GTF2IRD1: variants seen among roughly 807,000 people sequenced by gnomAD.
GTF2IRD1 encodes GTF2I repeat domain containing 1, also known as general transcription factor II-I repeat domain-containing protein 1.
GTF2IRD1 carries 26 observed loss-of-function variants against 113.2 expected under a neutral mutation model. The ratio of observed to expected loss-of-function variants is 0.23; its 90% confidence interval spans 0.17 to 0.32. The LOEUF is 0.32. Among genes scored for constraint, GTF2IRD1 ranks in the 10% least tolerant of loss-of-function variants. GTF2IRD1 has a pLI of 1.00. For synonymous variants in GTF2IRD1, 484 were observed against 529.1 expected (o/e 0.91, Z 1.17); for missense variants, 864 against 1,280.8 (o/e 0.67, Z 4.97).
At chr7:74,487,008 G>A (rs1554335682) in intron 1 of GTF2IRD1, among the ~76,000 whole-genome samples, 1 of 152,144 alleles carries the variant, frequency 6.6e-6, no homozygotes, top group Non-Finnish European at 1.5e-5. Context: ...GTTGGACTCA[G>A]TGATGTAGAT....
At chr7:74,457,288 C>T (rs1793050578) in intron 1 of GTF2IRD1, among the ~76,000 whole-genome samples, 1 of 152,184 alleles carries the variant, frequency 6.6e-6, no homozygotes, top group South Asian at 2.1e-4. Context: ...CCGCGCCTAG[C>T]CAACATCCTT....
intron 22 of GTF2IRD1, 131 bp from the exon 23 acceptor site, chr7:74,589,720 C>G (rs2130999235): frequency 1.8e-6 from 1 of 559,796 alleles, no homozygotes; most frequent in Non-Finnish European, 3.2e-6. Flanking sequence ...AAAAAAACAG[C>G]TATATAGGAG....
chr7:74,542,173 C>G (rs782609141), intron 14 of GTF2IRD1, among the ~76,000 whole-genome samples: 5 of 151,754 alleles, frequency 3.3e-5, no homozygotes, highest in Non-Finnish European at 7.4e-5. Context: ...GCAGGCAGAT[C>G]ACCTGAGGCC....
chr7:74,470,353 C>T (rs1794009071), intron 1 of GTF2IRD1, among the ~76,000 whole-genome samples: 2 of 152,158 alleles, frequency 1.3e-5, no homozygotes, highest in South Asian at 4.1e-4. Flanking sequence ...TGACCATCGC[C>T]ACCATCTAAG....
At chr7:74,475,806 G>A (rs767595164) in intron 1 of GTF2IRD1, among the ~76,000 whole-genome samples, 8 of 152,202 alleles carry the variant, frequency 5.3e-5, no homozygotes, top group Admixed American at 6.5e-5. Context: ...GGCCATTAAC[G>A]TGAGCCACCC....
At chr7:74,550,343 A>G (rs1345841321) in intron 17 of GTF2IRD1, among the ~76,000 whole-genome samples, 2 of 152,116 alleles carry the variant, frequency 1.3e-5, no homozygotes, top group African/African-American at 2.4e-5. Flanking sequence ...TCTACTATAT[A>G]CATGTATAGT....
At chr7:74,587,202 T>G (rs1218927557) in intron 22 of GTF2IRD1, among the ~76,000 whole-genome samples, 1 of 152,076 alleles carries the variant, frequency 6.6e-6, no homozygotes, top group Non-Finnish European at 1.5e-5. Flanking sequence ...CCCAGCACTT[T>G]GGGAGACCGA....
intron 24 of GTF2IRD1, among the ~76,000 whole-genome samples, chr7:74,591,875 C>T (rs1802084103): frequency 6.6e-6 from 1 of 151,526 alleles, no homozygotes. Flanking sequence ...CCACCTCGGC[C>T]TCCCAAAGTG....
chr7:74,540,406 A>T (rs1554351395), intron 14 of GTF2IRD1, among the ~76,000 whole-genome samples: 1 of 151,972 alleles, frequency 6.6e-6, no homozygotes, highest in Non-Finnish European at 1.5e-5. Flanking sequence ...TCAGCCTCCC[A>T]AAGTGCTGGG....
intron 1 of GTF2IRD1, among the ~76,000 whole-genome samples, chr7:74,480,595 G>A (rs571476961): frequency 6.6e-6 from 1 of 152,238 alleles, no homozygotes; most frequent in South Asian, 2.1e-4. Context: ...GCAGGCAGGC[G>A]GCCGCCCCTG....
In GTF2IRD1 at chr7:74,548,581, G is replaced by A. The variant is rs1171471830; in HGVS notation, c.1916+1295G>A. Among the ~76,000 whole-genome samples, 81 of 152,038 alleles carry A rather than the reference G, an allele frequency of 5.3e-4. 1 individual carries two copies. Among genetic ancestry groups the A allele is most frequent in the African/African-American group, 2.0e-3 (81 of 41,466 alleles). ...GCCCAAGAGTTCAAGACCAGCCTGG[G>A]CAACATGGCAAGACTGTGTCACTAT... On this transcript the variant is annotated intron_variant, in intron 17 of 26. Coordinates refer to ENST00000424337, the MANE Select transcript of GTF2IRD1 (RefSeq NM_005685.4).
chr7:74,464,856 C>T (rs1793612560), intron 1 of GTF2IRD1, among the ~76,000 whole-genome samples: 1 of 152,166 alleles, frequency 6.6e-6, no homozygotes, highest in South Asian at 2.1e-4. Context: ...ACCCTTGCCT[C>T]CCACCCCTAC....
At chr7:74,597,549 G>A (rs1554372734) in intron 25 of GTF2IRD1, among the ~76,000 whole-genome samples, 1 of 150,748 alleles carries the variant, frequency 6.6e-6, no homozygotes, top group African/African-American at 2.4e-5. Flanking sequence ...GTTTCACCAT[G>A]TTGGCCGGGC....
At position 74,534,712 on chromosome 7, in the gene GTF2IRD1, CA is replaced by C. The variant is rs1364971021; in HGVS notation, c.1275-392del. 5.3e-5 allele frequency among the ~76,000 whole-genome samples: 8 copies of C among 150,002 alleles called. 1 individual carries two copies. In the Middle Eastern group the frequency reaches 0.02, roughly 383 times the overall value. Reference sequence around the variant, plus strand: ...TGGGCGACAGAGCAAGACTCCATCTCAAAAAAAAAGTTAATTAATTAATTAG... The same window carrying C: ...TGGGCGACAGAGCAAGACTCCATCTCAAAAAAAAGTTAATTAATTAATTAG... On this transcript the variant is annotated intron_variant, in intron 9 of 26. Transcript: ENST00000424337.
chr7:74,496,470 T>TCTGGGTGTGC (rs1554337991), intron 1 of GTF2IRD1, among the ~76,000 whole-genome samples: 1 of 143,466 alleles, frequency 7.0e-6, no homozygotes, highest in African/African-American at 2.7e-5. Context: ...TGTGTGTTCA[T>TCTGGGTGTGC]GTGGGTGTGC....
chr7:74,523,619 G>A (rs1554346494), intron 7 of GTF2IRD1, among the ~76,000 whole-genome samples: 1 of 152,056 alleles, frequency 6.6e-6, no homozygotes, highest in Non-Finnish European at 1.5e-5. Context: ...TACTTGGGAG[G>A]CTGAGGCAGG....
intron 17 of GTF2IRD1, among the ~76,000 whole-genome samples, chr7:74,554,730 G>A (rs782691536): frequency 1.3e-5 from 2 of 152,134 alleles, no homozygotes; most frequent in Non-Finnish European, 2.9e-5. Flanking sequence ...GTAGAGACGG[G>A]TTTCACCATG....
chr7:74,574,543 C>T (rs1409368960), intron 22 of GTF2IRD1, among the ~76,000 whole-genome samples: 9 of 150,712 alleles, frequency 6.0e-5, no homozygotes, highest in South Asian at 2.1e-4. Context: ...ACTGCATCCT[C>T]GACCTCCCTA....
At chr7:74,571,004 G>A (rs1476501972) in intron 22 of GTF2IRD1, 15 of 710,074 alleles carry the variant, frequency 2.1e-5, no homozygotes, top group Admixed American at 1.3e-4. Context: ...GGCTCTCCCC[G>A]GACCCAGGCC....
Sources: gnomAD v4.1 joint callset for allele counts (sites outside exome capture counted in the v4.1 genomes callset) on GRCh38, gnomAD v4.1.1 for gene constraint, MANE v1.5 for transcripts, NCBI Gene and HGNC (gene_info 2026-07-23, HGNC 2026-07-21) for gene names.